The following KCNK9 variants were observed in gnomAD, a reference collection of about 807,000 sequenced individuals.
KCNK9 encodes the protein potassium two pore domain channel subfamily K member 9, also known as potassium channel subfamily K member 9.
KCNK9 carries 1 observed loss-of-function variant against 10.8 expected under a neutral mutation model. That is an observed-to-expected ratio of 0.09 (90% CI 0.03 to 0.44). The LOEUF (loss-of-function observed/expected upper bound fraction) is 0.44, where lower values mean the gene tolerates loss of function less well. KCNK9 is among the 20% of genes least tolerant of loss of function. The pLI is 0.97. For missense variants in KCNK9, 303 were observed against 515.0 expected (o/e 0.59, Z 3.98); for synonymous variants, 231 against 222.7 (o/e 1.04, Z -0.33).
At chr8:139,610,611 C>T (rs918164810), downstream of KCNK9, among the ~76,000 whole-genome samples, 1 of 152,154 alleles carries the variant, frequency 6.6e-6, no homozygotes, top group Admixed American at 6.5e-5. Flanking sequence ...AAGGGGATGC[C>T]ACAGAATTCA....
intron 1 of KCNK9, among the ~76,000 whole-genome samples, chr8:139,636,022 A>C (rs186127124): frequency 6.6e-6 from 1 of 152,312 alleles, no homozygotes; most frequent in Non-Finnish European, 1.5e-5. Context: ...ACCCCCGTTT[A>C]TGTTTTAGCC....
At chr8:139,694,430 G>C (rs1325700629) in intron 1 of KCNK9, among the ~76,000 whole-genome samples, 3 of 152,226 alleles carry the variant, frequency 2.0e-5, no homozygotes, top group African/African-American at 4.8e-5. Flanking sequence ...TAAGGGGTGT[G>C]CCTGGGATTG....
intron 1 of KCNK9, among the ~76,000 whole-genome samples, chr8:139,665,435 A>C (rs1290333301): frequency 6.6e-6 from 1 of 152,180 alleles, no homozygotes; most frequent in Non-Finnish European, 1.5e-5. Context: ...TTGATCCAGG[A>C]ACCTCGCCCT....
intron 1 of KCNK9, among the ~76,000 whole-genome samples, chr8:139,646,013 G>A (rs1000798956): frequency 3.0e-4 from 45 of 152,142 alleles, no homozygotes; most frequent in Non-Finnish European, 2.9e-4. Context: ...ACACTCCCTG[G>A]GGATGATGGC....
At chr8:139,619,396 A>G (rs1446487515) in intron 1 of KCNK9, among the ~76,000 whole-genome samples, 1 of 152,110 alleles carries the variant, frequency 6.6e-6, no homozygotes, top group African/African-American at 2.4e-5. Flanking sequence ...AACCAATGTC[A>G]CTTGCACTAT....
At chr8:139,601,516 G>A (rs1817369165) in exon 3 of KCNK9, 1 of 152,240 alleles carries the variant, frequency 6.6e-6, no homozygotes, top group Admixed American at 6.5e-5. Flanking sequence ...GTTAAGAGAT[G>A]CTGAGGATCC....
intron 1 of KCNK9, among the ~76,000 whole-genome samples, chr8:139,696,144 G>A (rs1475275314): frequency 6.6e-6 from 1 of 152,050 alleles, no homozygotes; most frequent in African/African-American, 2.4e-5. Context: ...AACCCCACAA[G>A]AGATAATCTC....
intron 2 of KCNK9, among the ~76,000 whole-genome samples, chr8:139,602,930 C>A (rs1817405437): frequency 6.6e-6 from 1 of 152,204 alleles, no homozygotes; most frequent in Non-Finnish European, 1.5e-5. Flanking sequence ...CAGTCATGCC[C>A]TCTTTGTCAC....
At chr8:139,608,776 C>CTGT (rs748814823), downstream of KCNK9, among the ~76,000 whole-genome samples, 11 of 152,190 alleles carry the variant, frequency 7.2e-5, no homozygotes, top group Non-Finnish European at 1.2e-4. Context: ...CTGGGGGCCA[C>CTGT]TGTTGTAGAG....
At chr8:139,673,977 T>C (rs1157365187) in intron 1 of KCNK9, among the ~76,000 whole-genome samples, 3 of 152,164 alleles carry the variant, frequency 2.0e-5, no homozygotes, top group African/African-American at 7.2e-5. Flanking sequence ...CCTTGTGCTA[T>C]TCCCCTCTGC....
rs545720987 is a variant in KCNK9, at chr8:139,663,381, G to A, written c.283+39329C>T. Among the ~76,000 whole-genome samples the A allele has an allele frequency of 5.9e-5, 9 of 152,034 alleles. No individual in the cohort carries two copies. In the East Asian group the frequency reaches 1.5e-3, roughly 26 times the overall value. ...GGACTACAGGTGGTCACATGCTCTC[G>A]GCGCCCCCATCAACACAGAGCACCT... On this transcript the variant is annotated intron_variant, in intron 1 of 1. Transcript: ENST00000520439.
downstream of KCNK9, among the ~76,000 whole-genome samples, chr8:139,613,979 C>T (rs759506146): frequency 2.6e-5 from 4 of 152,158 alleles, no homozygotes; most frequent in Non-Finnish European, 4.4e-5. Context: ...TATCTTGGGG[C>T]CTGTCATTTG....
rs1816990237 is a variant in KCNK9, at chr8:139,693,868, G to A, written c.283+8842C>T. 6.6e-6 allele frequency among the ~76,000 whole-genome samples: 1 copy of A among 152,162 alleles called. No individual in the cohort carries two copies. The highest frequency in any genetic ancestry group is 2.4e-5 in the African/African-American group (1 of 41,422). On this transcript the variant is annotated intron_variant, in intron 1 of 1. Transcript: ENST00000520439. The surrounding 1 kb of genome is among the most constrained non-coding windows in gnomAD (Gnocchi z 4.1). ...GGCTTTTAAAGGTCACTGCAGTGGTGGAGTGGAAGGTGGTGTCCCAGGAAG... is the reference window on the plus strand; with the variant it reads ...GGCTTTTAAAGGTCACTGCAGTGGTAGAGTGGAAGGTGGTGTCCCAGGAAG...
At chr8:139,623,394 C>A (rs1171643838) in intron 1 of KCNK9, among the ~76,000 whole-genome samples, 1 of 152,188 alleles carries the variant, frequency 6.6e-6, no homozygotes, top group Non-Finnish European at 1.5e-5. Flanking sequence ...GGGACCTGCT[C>A]TTGGCACAGG....
At chr8:139,651,443 A>T (rs1815860295) in intron 1 of KCNK9, among the ~76,000 whole-genome samples, 1 of 152,192 alleles carries the variant, frequency 6.6e-6, no homozygotes, top group Non-Finnish European at 1.5e-5. Flanking sequence ...CAAAATCATC[A>T]TTCACACCCA....
rs149097360 is a variant in KCNK9, at chr8:139,675,609, C to T, written c.283+27101G>A. Among the ~76,000 whole-genome samples, 159 of 152,298 alleles carry T rather than the reference C, an allele frequency of 1.0e-3. 1 individual carries two copies. Among genetic ancestry groups the T allele is most frequent in the African/African-American group, 3.8e-3 (158 of 41,554 alleles). On this transcript the variant is annotated intron_variant, in intron 1 of 1. Coordinates refer to ENST00000520439, the MANE Select transcript of KCNK9 (RefSeq NM_001282534.2). The stretch of plus-strand genomic sequence containing the variant: ...GATCTCAGCTTTCCAGCCTCCAGAA[C>T]CATGAGAAATCAAATGCTGTTGTTT...
intron 2 of KCNK9, among the ~76,000 whole-genome samples, chr8:139,603,456 T>C (rs1817417636): frequency 6.6e-6 from 1 of 152,238 alleles, no homozygotes. Flanking sequence ...GACTGCCCTC[T>C]TACTGAGTTA....
intron 1 of KCNK9, among the ~76,000 whole-genome samples, chr8:139,662,400 G>A (rs184692587): frequency 2.0e-5 from 3 of 152,292 alleles, no homozygotes; most frequent in East Asian, 3.9e-4. Context: ...GGCGAAGGGG[G>A]ACTGGGTGAG....
chr8:139,611,624 T>A (rs1329258811), downstream of KCNK9: 2 of 152,194 alleles, frequency 1.3e-5, no homozygotes, highest in Non-Finnish European at 2.9e-5. Flanking sequence ...TTCTTCAGAG[T>A]GACATCACAA....
Sources: allele counts gnomAD v4.1 joint callset (sites outside exome capture counted in the v4.1 genomes callset), GRCh38; gene constraint gnomAD v4.1.1; non-coding constraint Gnocchi (gnomAD v3.1); transcripts MANE v1.5; gene names NCBI Gene and HGNC (gene_info 2026-07-23, HGNC 2026-07-21).